The following FAM178B variants were observed in gnomAD, a reference collection of about 807,000 sequenced individuals.
The protein encoded by FAM178B is protein FAM178B.
In FAM178B, 82 loss-of-function variants were observed where a neutral mutation model predicts 91.7. That is an observed-to-expected ratio of 0.89 (90% CI 0.75 to 1.07). The LOEUF is 1.07. FAM178B is among the 50% of genes least tolerant of loss of function. The pLI, the probability that FAM178B is intolerant of heterozygous loss-of-function variation, is 0.00. For missense variants in FAM178B, 769 were observed against 846.7 expected (o/e 0.91, Z 1.14); for synonymous variants, 368 against 359.4 (o/e 1.02, Z -0.27).
At chr2:96,972,721 C>T in intron 1 of FAM178B, 115 bp from the exon 2 acceptor site, 4 of 881,092 alleles carry the variant, frequency 4.5e-6, no homozygotes, top group South Asian at 3.1e-5. Context: ...AGGGTCCGCC[C>T]TGAGGACTGG....
chr2:96,908,316 G>T (rs2081093343), intron 12 of FAM178B, among the ~76,000 whole-genome samples: 1 of 152,210 alleles, frequency 6.6e-6, no homozygotes, highest in African/African-American at 2.4e-5. Context: ...CATTGACGTG[G>T]AGAGGCCCCA....
At chr2:96,888,526 C>T (rs778255488) in intron 14 of FAM178B, among the ~76,000 whole-genome samples, 1 of 152,376 alleles carries the variant, frequency 6.6e-6, no homozygotes, top group South Asian at 2.1e-4. Flanking sequence ...GGCAAGCACA[C>T]AGCTGCCAGA....
chr2:96,913,743 AG>A (rs1281408257), intron 12 of FAM178B, among the ~76,000 whole-genome samples: 1 of 152,216 alleles, frequency 6.6e-6, no homozygotes, highest in Non-Finnish European at 1.5e-5. Context: ...CAGAATTCAC[AG>A]GAAGATGGAG....
intron 12 of FAM178B, among the ~76,000 whole-genome samples, chr2:96,903,544 C>T (rs2080975694): frequency 1.3e-5 from 2 of 152,250 alleles, no homozygotes; most frequent in South Asian, 4.1e-4. Context: ...TGAGAGGTGG[C>T]CTCGGGCTGT....
At chr2:96,893,662 GCAGGGA>G (rs1243922919) in intron 14 of FAM178B, among the ~76,000 whole-genome samples, 1 of 152,032 alleles carries the variant, frequency 6.6e-6, no homozygotes, top group East Asian at 1.9e-4. Flanking sequence ...AGGCACACAA[GCAGGGA>G]CAGGCAGACA....
At chr2:96,923,454 G>A (rs1329620043) in intron 10 of FAM178B, 36 bp downstream of exon 10, 16 of 1,484,902 alleles carry the variant, frequency 1.1e-5, no homozygotes, top group Admixed American at 2.0e-5. Flanking sequence ...ACTGTAAGCC[G>A]AGAGTGCCCT....
At chr2:96,931,479 T>A (rs900441488) in intron 8 of FAM178B, among the ~76,000 whole-genome samples, 29 of 151,630 alleles carry the variant, frequency 1.9e-4, no homozygotes, top group African/African-American at 6.6e-4. Flanking sequence ...GAATATGAAA[T>A]GTGGAAGGTG....
At chr2:96,892,254 G>A (rs2080700638) in intron 14 of FAM178B, among the ~76,000 whole-genome samples, 3 of 152,160 alleles carry the variant, frequency 2.0e-5, no homozygotes, top group Admixed American at 2.0e-4. Context: ...CTGTGCCCAT[G>A]TACCCTCCTT....
At chr2:96,933,180 T>G (rs879811685) in intron 8 of FAM178B, among the ~76,000 whole-genome samples, 17 of 151,842 alleles carry the variant, frequency 1.1e-4, no homozygotes, top group African/African-American at 4.1e-4. Context: ...GAGGTGGAGG[T>G]TGCAGTTAGC....
In FAM178B at chr2:96,923,585, TGTG is replaced by T; in HGVS notation, c.1194-5_1194-3del. ...AGGCCAGCCTCGCCTGGAAGCACCC[TGTG>T]GTAAGACAACAACAGTGACGATGGG... On this transcript the variant is annotated splice_region_variant and splice_polypyrimidine_tract_variant and intron_variant, in intron 9 of 16. Coordinates refer to ENST00000490605, the MANE Select transcript of FAM178B (RefSeq NM_001122646.3). 6.4e-7 allele frequency: 1 copy of T among 1,551,356 alleles called. No homozygotes were observed.
intron 13 of FAM178B, 28 bp from the exon 14 acceptor site, chr2:96,894,079 C>T (rs1006791055): frequency 3.2e-6 from 5 of 1,584,406 alleles, no homozygotes; most frequent in African/African-American, 2.7e-5. Context: ...GGCTGTCACT[C>T]ACAGAGGGTG....
chr2:96,961,587 C>A (rs1375309466), intron 5 of FAM178B, among the ~76,000 whole-genome samples: 1 of 152,218 alleles, frequency 6.6e-6, no homozygotes, highest in Admixed American at 6.5e-5. Context: ...GCTCTGGACA[C>A]TGCCTCTCTT....
intron 1 of FAM178B, among the ~76,000 whole-genome samples, chr2:96,979,571 T>A (rs2082335270): frequency 6.6e-6 from 1 of 152,176 alleles, no homozygotes; most frequent in African/African-American, 2.4e-5. Flanking sequence ...TTTGCTATTG[T>A]GACTAGTGCT....
rs200378709 is a variant in FAM178B at position 96,935,362 on chromosome 2, C to G, written c.1079-6042G>C. 8.5e-5 allele frequency among the ~76,000 whole-genome samples: 13 copies of G among 152,166 alleles called. No individual in the cohort carries two copies. The East Asian group carries it at 2.5e-3, about 29-fold the overall frequency. ...AGCATGTGCCTCTCATGCTCCAGGT[C>G]ACATCACGGTCCAGCACGGCTGGTA... On this transcript the variant is annotated intron_variant, in intron 8 of 16. Transcript: ENST00000490605.
At chr2:96,972,864 C>T (rs1156840729) in intron 1 of FAM178B, among the ~76,000 whole-genome samples, 1 of 151,966 alleles carries the variant, frequency 6.6e-6, no homozygotes, top group Non-Finnish European at 1.5e-5. Flanking sequence ...CTCGCCCAGG[C>T]TGGAGTGCAG....
chr2:96,930,347 A>AAAGAT (rs899084936), intron 8 of FAM178B, among the ~76,000 whole-genome samples: 14 of 152,010 alleles, frequency 9.2e-5, no homozygotes, highest in African/African-American at 3.4e-4. Flanking sequence ...GGGAGAGTAG[A>AAAGAT]AAGATAAAAA....
At chr2:96,965,900 A>G (rs1176315860) in intron 5 of FAM178B, among the ~76,000 whole-genome samples, 1 of 152,022 alleles carries the variant, frequency 6.6e-6, no homozygotes, top group African/African-American at 2.4e-5. Flanking sequence ...TCTACCCTGA[A>G]AATACACCCA....
At chr2:96,978,164 T>G (rs1169368351) in intron 1 of FAM178B, among the ~76,000 whole-genome samples, 2 of 152,210 alleles carry the variant, frequency 1.3e-5, no homozygotes, top group African/African-American at 2.4e-5. Context: ...GCCCATGGCC[T>G]GATGCAGAAT....
chr2:96,930,365 G>C (rs567806792), intron 8 of FAM178B, among the ~76,000 whole-genome samples: 2 of 152,082 alleles, frequency 1.3e-5, no homozygotes, highest in East Asian at 3.9e-4. Context: ...AAAAGAATGG[G>C]TCCAGACGTC....
Sources: allele counts gnomAD v4.1 joint callset (sites outside exome capture counted in the v4.1 genomes callset), GRCh38; gene constraint gnomAD v4.1.1; transcripts MANE v1.5; gene names NCBI Gene and HGNC (gene_info 2026-07-23, HGNC 2026-07-21).